The following LDB3 variants were observed in gnomAD, a reference collection of about 807,000 sequenced individuals.
LDB3 encodes LIM domain-binding protein 3.
LDB3 carries 49 observed loss-of-function variants against 69.0 expected under a neutral mutation model. That is an observed-to-expected ratio of 0.71 (90% CI 0.56 to 0.90). LDB3 has a LOEUF of 0.90. Among genes scored for constraint, LDB3 ranks in the 40% least tolerant of loss-of-function variants. LDB3 has a pLI of 0.00. For missense variants in LDB3, 928 were observed against 974.1 expected (o/e 0.95, Z 0.63); for synonymous variants, 387 against 396.2 (o/e 0.98, Z 0.28).
At chr10:86,669,318 C>A (rs1003400489) in intron 2 of LDB3, among the ~76,000 whole-genome samples, 1 of 152,224 alleles carries the variant, frequency 6.6e-6, no homozygotes, top group African/African-American at 2.4e-5. Flanking sequence ...AAACTTGAGA[C>A]ACCAAGACCC....
intron 5 of LDB3, among the ~76,000 whole-genome samples, chr10:86,689,198 C>A (rs1363292016): frequency 2.0e-5 from 3 of 152,168 alleles, no homozygotes; most frequent in Non-Finnish European, 4.4e-5. Context: ...CTTGTGTGCG[C>A]TGCCCCTCTG....
intron 8 of LDB3, among the ~76,000 whole-genome samples, chr10:86,709,367 G>A (rs553237124): frequency 6.6e-6 from 1 of 152,216 alleles, no homozygotes; most frequent in Non-Finnish European, 1.5e-5. Context: ...ATGCAGAAGA[G>A]GTGTGTGTTG....
rs397517226 is a variant in LDB3, at chr10:86,692,032, C to T, written c.826C>T (p.Arg276Cys). The change falls in exon 6 of 14, where the codon CGC (arginine) becomes TGC (cysteine). Residue 276 changes from arginine (R) to cysteine (C), a missense_variant. Transcript: ENST00000361373. Reference sequence around the variant, plus strand: ...CTCCAACCTGCAGTCTCGCTCCTTCCGCATCCTGGCCCAGATGACGGGGAC... The same window carrying T: ...CTCCAACCTGCAGTCTCGCTCCTTCTGCATCCTGGCCCAGATGACGGGGAC... ...RSSNLQSRSF[R>C]ILAQMTGTEF... is the part of the protein sequence containing the mutation. The T allele has an allele frequency of 1.7e-5, 28 of 1,614,052 alleles. No individual in the cohort carries two copies. The highest frequency in any genetic ancestry group is 4.4e-5 in the South Asian group (4 of 91,090).
At chr10:86,715,790 AAG>A (rs1416970546) in intron 9 of LDB3, among the ~76,000 whole-genome samples, 3 of 152,088 alleles carry the variant, frequency 2.0e-5, no homozygotes, top group Non-Finnish European at 4.4e-5. Context: ...TTTTTCAAGA[AAG>A]TAATTGTAGC....
chr10:86,681,504 AG>A lies in LDB3; in HGVS notation c.392del (p.Gly131AlafsTer38). The A allele has an allele frequency of 6.2e-7, 1 of 1,610,982 alleles. No individual in the cohort carries two copies. The highest frequency in any genetic ancestry group is 8.5e-7 in the Non-Finnish European group (1 of 1,179,718). ...SPSPEARASP[G>X]TPGTPELRPT... ...CCAGCCCTGAGGCGAGGGCCAGCCC[AG>A]GCACCCCAGGCACCCCGGAGCTCAG... On this transcript the variant is annotated frameshift_variant, in exon 5 of 14. Transcript: ENST00000361373. LOFTEE classifies it high-confidence loss of function.
At position 86,710,242 on chromosome 10, in the gene LDB3, C is replaced by T. The variant is rs577369481; in HGVS notation, c.1231+192C>T. 1.0e-5 allele frequency: 10 copies of T among 985,356 alleles called. No homozygotes were observed. In the South Asian group the frequency reaches 4.7e-4, roughly 46 times the overall value. 61.0% of individuals were successfully genotyped at this position (985,356 alleles called of 1,614,324 possible). ...GAGCCTGCATCTGGTCTGGGGGAGACAGGTGAGCAAGAAAGCGGTGGATGA... is the reference window on the plus strand; with the variant it reads ...GAGCCTGCATCTGGTCTGGGGGAGATAGGTGAGCAAGAAAGCGGTGGATGA... On this transcript the variant is annotated intron_variant, in intron 9 of 13. Coordinates refer to ENST00000361373, the MANE Select transcript of LDB3 (RefSeq NM_007078.3).
intron 9 of LDB3, among the ~76,000 whole-genome samples, chr10:86,712,966 C>A (rs981060761): frequency 6.6e-6 from 1 of 151,992 alleles, no homozygotes; most frequent in African/African-American, 2.4e-5. Flanking sequence ...GAGGCTATGG[C>A]AGGAGAATCA....
chr10:86,677,540 C>T (rs960285162), intron 2 of LDB3, among the ~76,000 whole-genome samples: 6 of 152,150 alleles, frequency 3.9e-5, no homozygotes, highest in Admixed American at 6.5e-5. Context: ...GTCTGAGCCA[C>T]GATGACATCC....
Position 86,699,675 on chromosome 10 carries a change from C to T in LDB3, c.897-6856C>T. 8.0e-7 allele frequency: 1 copy of T among 1,251,772 alleles called. No homozygotes were observed. The highest frequency in any genetic ancestry group is 1.0e-6 in the Non-Finnish European group (1 of 984,818). The allele number at this position is 1,251,772 out of a possible 1,614,324, so 77.5% of individuals were successfully genotyped here. On this transcript the variant is annotated intron_variant, in intron 7 of 13. Coordinates refer to ENST00000361373, the MANE Select transcript of LDB3 (RefSeq NM_007078.3). This position sits in a 1 kb window ranked among gnomAD's most constrained non-coding sequence, Gnocchi z 4.9. Reference sequence around the variant, plus strand: ...GGCCTTAGCTGTAGACCAGAGAGGGCAGGAGGGGTTTGCTGGCATAACACC... The same window carrying T: ...GGCCTTAGCTGTAGACCAGAGAGGGTAGGAGGGGTTTGCTGGCATAACACC...
chr10:86,714,215 C>T (rs889713076), intron 9 of LDB3, among the ~76,000 whole-genome samples: 1 of 152,160 alleles, frequency 6.6e-6, no homozygotes, highest in Non-Finnish European at 1.5e-5. Flanking sequence ...TGCCCAAGGA[C>T]ACAAAACCAG....
chr10:86,723,128 A>G (rs12773201), intron 12 of LDB3, among the ~76,000 whole-genome samples: 1 of 151,636 alleles, frequency 6.6e-6, no homozygotes, highest in Admixed American at 6.6e-5. Context: ...AAAGTAGCCG[A>G]CCGTGGTGGT....
intron 5 of LDB3, among the ~76,000 whole-genome samples, chr10:86,690,453 C>A (rs1845702488): frequency 6.6e-6 from 1 of 152,244 alleles, no homozygotes; most frequent in African/African-American, 2.4e-5. Flanking sequence ...TCTTTCCCAA[C>A]CGATCCCAAC....
At chr10:86,698,152 G>T (rs1205659359) in intron 7 of LDB3, among the ~76,000 whole-genome samples, 1 of 152,062 alleles carries the variant, frequency 6.6e-6, no homozygotes, top group Non-Finnish European at 1.5e-5. Context: ...CTATAATTTT[G>T]TCCTTTTCAA....
In LDB3 at chr10:86,733,347, C is replaced by T. The variant is rs757275633; in HGVS notation, c.*371C>T. ...TAGAGCAGCTGTGGAGAATCTGAAG[C>T]ATTCTGCGGAGTTCTTAAGCGCTCC... On this transcript the variant is annotated 3_prime_UTR_variant, in exon 14 of 14. Transcript: ENST00000361373. The T allele has an allele frequency of 3.0e-5, 9 of 298,354 alleles. No individual in the cohort carries two copies. Among genetic ancestry groups the T allele is most frequent in the Non-Finnish European group, 5.2e-5 (8 of 154,356 alleles). The allele number at this position is 298,354 out of a possible 1,614,324, so 18.5% of individuals were successfully genotyped here.
At chr10:86,671,703 C>T (rs959827592) in intron 2 of LDB3, among the ~76,000 whole-genome samples, 1 of 152,216 alleles carries the variant, frequency 6.6e-6, no homozygotes, top group South Asian at 2.1e-4. Flanking sequence ...CTCTTCATGC[C>T]TCTCATGCCT....
At chr10:86,668,235 A>T (rs1408657634), upstream of LDB3, among the ~76,000 whole-genome samples, 1 of 152,186 alleles carries the variant, frequency 6.6e-6, no homozygotes, top group Non-Finnish European at 1.5e-5. Flanking sequence ...GAGCAAGAGG[A>T]TGGGTACCAC....
At chr10:86,691,323 C>T (rs1172565890) in intron 5 of LDB3, among the ~76,000 whole-genome samples, 3 of 152,222 alleles carry the variant, frequency 2.0e-5, no homozygotes, top group Non-Finnish European at 4.4e-5. Flanking sequence ...CCTGTCCCTA[C>T]AGGCCATGCC....
chr10:86,678,095 G>A (rs977554065), intron 2 of LDB3, among the ~76,000 whole-genome samples: 1 of 152,068 alleles, frequency 6.6e-6, no homozygotes, highest in Non-Finnish European at 1.5e-5. Flanking sequence ...GAGTGCAGTG[G>A]CATAATCTTA....
At chr10:86,727,540 T>A (rs1025523703) in intron 13 of LDB3, among the ~76,000 whole-genome samples, 2 of 152,356 alleles carry the variant, frequency 1.3e-5, no homozygotes, top group African/African-American at 4.8e-5. Context: ...CTGTATTCAC[T>A]CTGTGTGTCG....
Sources: allele counts gnomAD v4.1 joint callset (sites outside exome capture counted in the v4.1 genomes callset), GRCh38; gene constraint gnomAD v4.1.1; non-coding constraint Gnocchi (gnomAD v3.1); transcripts MANE v1.5; gene names NCBI Gene and HGNC (gene_info 2026-07-23, HGNC 2026-07-21).